GLIS3: variants seen among roughly 807,000 people sequenced by gnomAD.
GLIS3 encodes zinc finger protein GLIS3.
Under a neutral mutation model 78.6 loss-of-function variants are expected in GLIS3, and 53 were observed. That is an observed-to-expected ratio of 0.67 (90% CI 0.54 to 0.85). The LOEUF (loss-of-function observed/expected upper bound fraction) is 0.85. GLIS3 is among the 40% of genes least tolerant of loss of function. The pLI is 0.00. For synonymous variants in GLIS3, 684 were observed against 509.9 expected (o/e 1.34, Z -4.60); for missense variants, 1,703 against 1,231.1 (o/e 1.38, Z -5.74).
At chr9:4,210,216 C>G (rs939578485) in intron 2 of GLIS3, among the ~76,000 whole-genome samples, 3 of 152,172 alleles carry the variant, frequency 2.0e-5, no homozygotes, top group Non-Finnish European at 2.9e-5. Flanking sequence ...GAGAAAACAT[C>G]AGAAAGTACC....
chr9:4,481,515 AGTGTGTGTGTGT>A, the GLIS3 span, among the ~76,000 whole-genome samples: 4 of 147,474 alleles, frequency 2.7e-5, no homozygotes, highest in East Asian at 2.0e-4. Context: ...TAAAAACATA[AGTGTGTGTGTGT>A]GTGTGTGTGT....
intron 6 of GLIS3, among the ~76,000 whole-genome samples, chr9:3,909,756 G>A (rs1014839304): frequency 6.6e-6 from 1 of 152,084 alleles, no homozygotes; most frequent in Admixed American, 6.5e-5. Context: ...GAATTTCAGA[G>A]CAAAAAGGAA....
At chr9:3,870,768 T>C (rs1186639398) in intron 8 of GLIS3, among the ~76,000 whole-genome samples, 1 of 152,252 alleles carries the variant, frequency 6.6e-6, no homozygotes, top group Admixed American at 6.5e-5. Context: ...AGATGAGATT[T>C]GGGTGAGGAC....
At chr9:4,274,503 T>C (rs1360504645) in intron 2 of GLIS3, among the ~76,000 whole-genome samples, 1 of 152,018 alleles carries the variant, frequency 6.6e-6, no homozygotes, top group South Asian at 2.1e-4. Flanking sequence ...TCATACCCTC[T>C]TGCAAGTCCC....
At chr9:3,839,936 A>G (rs1157152845) in intron 9 of GLIS3, among the ~76,000 whole-genome samples, 1 of 152,122 alleles carries the variant, frequency 6.6e-6, no homozygotes, top group Admixed American at 6.6e-5. Context: ...CACTTCAGAA[A>G]TTTCTCATGG....
intron 5 of GLIS3, among the ~76,000 whole-genome samples, chr9:3,933,179 CTCTT>C (rs1825717560): frequency 6.6e-6 from 1 of 151,686 alleles, no homozygotes; most frequent in Non-Finnish European, 1.5e-5. Context: ...TGAGTCTAGC[CTCTT>C]TTTTTTTTTT....
At chr9:4,459,326 A>C in the GLIS3 span, among the ~76,000 whole-genome samples, 2 of 152,264 alleles carry the variant, frequency 1.3e-5, no homozygotes, top group African/African-American at 4.8e-5. Flanking sequence ...TAGAGGATAC[A>C]GGAGGTCTAA....
In GLIS3 at chr9:3,879,603, C is replaced by G; in HGVS notation, c.2129-8G>C. 6.2e-7 allele frequency: 1 copy of G among 1,613,840 alleles called. No homozygotes were observed. ...TGCTGGAGAAAATGGGAGCTGAAAT[C>G]AAGGGAGAACAAACATGAGACCGTG... On this transcript the variant is annotated splice_polypyrimidine_tract_variant and splice_region_variant and intron_variant, in intron 7 of 10. Transcript: ENST00000381971.
intron 7 of GLIS3, among the ~76,000 whole-genome samples, chr9:3,879,935 C>A (rs963777038): frequency 5.3e-5 from 8 of 152,060 alleles, no homozygotes; most frequent in African/African-American, 1.9e-4. Context: ...ACTTTTCAGT[C>A]ACAGGGGATG....
chr9:3,991,255 T>G (rs1353802166), intron 4 of GLIS3, among the ~76,000 whole-genome samples: 1 of 152,168 alleles, frequency 6.6e-6, no homozygotes, highest in Non-Finnish European at 1.5e-5. Flanking sequence ...GGTACAATAG[T>G]AGCCATCATT....
At chr9:4,304,871 G>A (rs1817189219), upstream of GLIS3, among the ~76,000 whole-genome samples, 3 of 152,162 alleles carry the variant, frequency 2.0e-5, no homozygotes, top group South Asian at 2.1e-4. Context: ...AGATTTTCAC[G>A]TGTATACACA....
intron 2 of GLIS3, among the ~76,000 whole-genome samples, chr9:4,183,154 C>T (rs1310459448): frequency 6.6e-6 from 1 of 152,200 alleles, no homozygotes; most frequent in Non-Finnish European, 1.5e-5. Context: ...AGTGAAAGAA[C>T]AGTACATGAC....
At position 4,173,056 on chromosome 9, in the gene GLIS3, T is replaced by G. The variant is rs576575309; in HGVS notation, c.389-47115A>C. The stretch of plus-strand genomic sequence containing the variant: ...ATGTGGACTTAAGAAAGCACAGCTG[T>G]GGGCCACATTCCACCCGTGGAGTTG... On this transcript the variant is annotated intron_variant, in intron 2 of 10. Transcript: ENST00000381971. 3.9e-5 allele frequency among the ~76,000 whole-genome samples: 6 copies of G among 152,334 alleles called. No individual in the cohort carries two copies. In the South Asian group the frequency reaches 1.0e-3, roughly 26 times the overall value.
intron 4 of GLIS3, among the ~76,000 whole-genome samples, chr9:3,958,266 G>C (rs1817289824): frequency 6.6e-6 from 1 of 151,998 alleles, no homozygotes; most frequent in African/African-American, 2.4e-5. Flanking sequence ...GAAGATGAGA[G>C]GAAGAAAAAA....
the GLIS3 span, among the ~76,000 whole-genome samples, chr9:4,469,980 ACCAT>A: frequency 6.6e-6 from 1 of 152,202 alleles, no homozygotes; most frequent in Non-Finnish European, 1.5e-5. Flanking sequence ...AACACAAACT[ACCAT>A]CAGAGAACAG....
intron 4 of GLIS3, among the ~76,000 whole-genome samples, chr9:3,978,435 G>T (rs1014842126): frequency 1.3e-5 from 2 of 151,912 alleles, no homozygotes; most frequent in African/African-American, 4.8e-5. Context: ...ATACTGTAAA[G>T]ATTTCTGCTT....
At chr9:4,117,721 A>T in intron 4 of GLIS3, 47 bp downstream of exon 4, 1 of 1,613,160 alleles carries the variant, frequency 6.2e-7, no homozygotes, top group Middle Eastern at 1.7e-4. Context: ...TACGCAAAGC[A>T]AGCCGGGCCT....
At chr9:3,857,626 A>C (rs2130254165) in intron 8 of GLIS3, among the ~76,000 whole-genome samples, 1 of 152,316 alleles carries the variant, frequency 6.6e-6, no homozygotes, top group Non-Finnish European at 1.5e-5. Context: ...AGCTTAAACA[A>C]ACCAGCTGGG....
chr9:3,833,719 G>T (rs1818183091), intron 9 of GLIS3, among the ~76,000 whole-genome samples: 1 of 152,160 alleles, frequency 6.6e-6, no homozygotes, highest in Non-Finnish European at 1.5e-5. Context: ...ACATATAAAT[G>T]TAAGTTGGCA....
Sources: allele counts gnomAD v4.1 joint callset (sites outside exome capture counted in the v4.1 genomes callset), GRCh38; gene constraint gnomAD v4.1.1; transcripts MANE v1.5; gene names NCBI Gene and HGNC (gene_info 2026-07-23, HGNC 2026-07-21).